Variants in SLC4A10 observed in about 807,000 individuals in gnomAD.
The protein encoded by SLC4A10 is solute carrier family 4 member 10, also known as sodium-driven chloride bicarbonate exchanger.
A neutral mutation model predicts 137.7 loss-of-function variants in SLC4A10; 42 were observed. That is an observed-to-expected ratio of 0.30 (90% CI 0.24 to 0.39). SLC4A10 has a LOEUF of 0.39. Ranked by LOEUF, SLC4A10 falls within the 10% of genes least tolerant of loss-of-function variation. The probability of loss-of-function intolerance (pLI) is 1.00; values close to 1 mark genes in which losing one functional copy is unlikely to be tolerated. For synonymous variants in SLC4A10, 474 were observed against 464.1 expected, an observed-to-expected ratio of 1.02 and a Z score of -0.27; for missense variants, 925 against 1,355.0, an observed-to-expected ratio of 0.68 and a Z score of 4.98.
At chr2:161,673,837 A>G (rs2039997036) in intron 1 of SLC4A10, among the ~76,000 whole-genome samples, 1 of 152,104 alleles carries the variant, frequency 6.6e-6, no homozygotes, top group Admixed American at 6.5e-5. Context: ...TAAAAATACA[A>G]AAATTAGCTG....
At chr2:161,844,454 C>G (rs2059373373) in intron 4 of SLC4A10, among the ~76,000 whole-genome samples, 1 of 152,064 alleles carries the variant, frequency 6.6e-6, no homozygotes. Flanking sequence ...ATGTTATTCT[C>G]TAGCTCCACC....
intron 21 of SLC4A10, 74 bp from the exon 22 acceptor site, chr2:161,964,061 T>C (rs1303628655): frequency 7.4e-7 from 1 of 1,344,628 alleles, no homozygotes; most frequent in Non-Finnish European, 1.0e-6. Flanking sequence ...TTGTGGACCA[T>C]ATTAAACATC....
At chr2:161,776,115 G>C (rs1215489356) in intron 2 of SLC4A10, among the ~76,000 whole-genome samples, 1 of 151,912 alleles carries the variant, frequency 6.6e-6, no homozygotes, top group Non-Finnish European at 1.5e-5. Flanking sequence ...GTTTGAAATA[G>C]TCCAATCACC....
intron 10 of SLC4A10, among the ~76,000 whole-genome samples, chr2:161,891,268 G>T (rs1306012109): frequency 6.6e-6 from 1 of 152,062 alleles, no homozygotes; most frequent in Non-Finnish European, 1.5e-5. Context: ...TGATGATTTT[G>T]TGTTTTGGGG....
At chr2:161,951,208 A>G (rs1422078871) in intron 19 of SLC4A10, among the ~76,000 whole-genome samples, 1 of 152,124 alleles carries the variant, frequency 6.6e-6, no homozygotes, top group Non-Finnish European at 1.5e-5. Flanking sequence ...CCTCTATTTA[A>G]CCCTAAATGT....
intron 1 of SLC4A10, among the ~76,000 whole-genome samples, chr2:161,665,531 G>A (rs1190402097): frequency 6.6e-6 from 1 of 151,608 alleles, no homozygotes; most frequent in African/African-American, 2.4e-5. Flanking sequence ...GGAAAAAAAA[G>A]CATATTTGAA....
intron 23 of SLC4A10, 111 bp from the exon 24 acceptor site, chr2:161,974,138 T>G: frequency 2.6e-6 from 2 of 781,862 alleles, no homozygotes; most frequent in African/African-American, 1.8e-5. Context: ...GCAAACAGAG[T>G]GGAAGGTCTT....
chr2:161,782,587 C>A (rs1365279575), intron 2 of SLC4A10, among the ~76,000 whole-genome samples: 1 of 151,312 alleles, frequency 6.6e-6, no homozygotes, highest in Non-Finnish European at 1.5e-5. Flanking sequence ...TAAAGATGCT[C>A]ACTGAGGATA....
chr2:161,976,802 G>A lies in SLC4A10; in HGVS notation c.3270G>A (p.Lys1090=), dbSNP rs1218050560. The A allele has an allele frequency of 6.2e-7, 1 of 1,604,786 alleles. No individual in the cohort carries two copies. The highest frequency in any genetic ancestry group is 1.3e-5 in the African/African-American group (1 of 74,778). Residue 1090 remains lysine (K), a synonymous_variant, in exon 25 of 27, where the codon AAG becomes AAA. Coordinates refer to ENST00000446997, the MANE Select transcript of SLC4A10 (RefSeq NM_001178015.2). The part of the protein sequence containing the change: ...SVINISDEMS[K]TALWRNLLIT... ...TCAATATATCTGATGAAATGTCAAA[G>A]ACTGCCTTGTGGAGGAACCTTCTGA...
chr2:161,905,545 T>C (rs750676958), intron 14 of SLC4A10, 97 bp from the exon 15 acceptor site: 13 of 1,480,910 alleles, frequency 8.8e-6, no homozygotes, highest in Non-Finnish European at 1.2e-5. Context: ...CTTATTTACT[T>C]TCACTTCCTG....
At chr2:161,894,921 T>C in intron 11 of SLC4A10, 96 bp downstream of exon 11, 1 of 722,606 alleles carries the variant, frequency 1.4e-6, no homozygotes, top group South Asian at 6.7e-5. Flanking sequence ...ATTTATTTTA[T>C]TATTATTATA....
intron 1 of SLC4A10, among the ~76,000 whole-genome samples, chr2:161,674,562 A>G (rs1437880273): frequency 6.6e-6 from 1 of 152,202 alleles, no homozygotes; most frequent in East Asian, 1.9e-4. Context: ...TGCTGTTCTA[A>G]TGAAAGGGGA....
intron 19 of SLC4A10, among the ~76,000 whole-genome samples, chr2:161,955,622 A>G (rs2105855308): frequency 6.6e-6 from 1 of 152,340 alleles, no homozygotes; most frequent in South Asian, 2.1e-4. Context: ...AAGGATGAGC[A>G]GAAAGGAAAG....
intron 1 of SLC4A10, among the ~76,000 whole-genome samples, chr2:161,734,047 C>T (rs533212635): frequency 7.2e-5 from 11 of 152,204 alleles, no homozygotes; most frequent in Admixed American, 1.3e-4. Flanking sequence ...TTTGATTTTA[C>T]GGCTCATAAG....
At chr2:161,693,461 G>C (rs1290278687) in intron 1 of SLC4A10, among the ~76,000 whole-genome samples, 1 of 151,966 alleles carries the variant, frequency 6.6e-6, no homozygotes, top group African/African-American at 2.4e-5. Context: ...TGGGCCAACT[G>C]TGCTCATAAC....
intron 1 of SLC4A10, among the ~76,000 whole-genome samples, chr2:161,645,953 A>C (rs898295866): frequency 6.6e-6 from 1 of 152,084 alleles, no homozygotes; most frequent in African/African-American, 2.4e-5. Flanking sequence ...AAAGGTGATC[A>C]TATACTTCAA....
intron 1 of SLC4A10, among the ~76,000 whole-genome samples, chr2:161,639,219 T>C (rs1304760586): frequency 6.6e-6 from 1 of 152,088 alleles, no homozygotes; most frequent in Non-Finnish European, 1.5e-5. Flanking sequence ...CAAATGCCAT[T>C]CTTCTCAAAC....
chr2:161,830,945 T>A (rs1315893549), intron 3 of SLC4A10, among the ~76,000 whole-genome samples: 1 of 152,190 alleles, frequency 6.6e-6, no homozygotes, highest in African/African-American at 2.4e-5. Context: ...GATGTGGATA[T>A]GTATGTGTTC....
rs139702937 is a variant in SLC4A10 at position 161,773,634 on chromosome 2, G to T, written c.130+2580G>T. 2.0e-3 allele frequency among the ~76,000 whole-genome samples: 310 copies of T among 151,862 alleles called. 1 individual carries two copies. The highest frequency in any genetic ancestry group is 7.1e-3 in the African/African-American group (294 of 41,464). On this transcript the variant is annotated intron_variant, in intron 2 of 26. Transcript: ENST00000446997. ...TAATGTAACATTCTGAGTACAGGTT[G>T]TAGAAATGCCAGATGTTTAAAAATA... is the stretch of plus-strand genomic sequence containing the variant.
Sources: allele counts gnomAD v4.1 joint callset (sites outside exome capture counted in the v4.1 genomes callset), GRCh38; gene constraint gnomAD v4.1.1; transcripts MANE v1.5; gene names NCBI Gene and HGNC (gene_info 2026-07-23, HGNC 2026-07-21).